XCL1: variants seen among roughly 807,000 people sequenced by gnomAD.
XCL1 encodes X-C motif chemokine ligand 1, also known as lymphotactin.
XCL1 carries 6 observed loss-of-function variants against 7.4 expected under a neutral mutation model. The observed-to-expected ratio is 0.82, with a 90% CI of 0.45 to 1.61. The LOEUF is 1.61. XCL1 is among the 40% of genes most tolerant of loss of function. The probability of loss-of-function intolerance (pLI) is 0.01; values close to 1 mark genes in which losing one functional copy is unlikely to be tolerated. For missense variants in XCL1, 122 were observed against 138.2 expected, an observed-to-expected ratio of 0.88 and a Z score of 0.59; for synonymous variants, 48 against 52.4, an observed-to-expected ratio of 0.92 and a Z score of 0.36.
Position 168,581,370 on chromosome 1 carries a change from T to C in XCL1, c.*150T>C. The C allele has an allele frequency of 1.1e-6, 1 of 888,904 alleles. No homozygotes were observed. The allele number at this position is 888,904 out of a possible 1,614,324, so 55.1% of individuals were successfully genotyped here. A position where few individuals can be genotyped will look rare whatever the true frequency, so the allele number is the denominator to read the frequency against. ...ACTTTTAAATGTCTTCTGTATTCACTTATATGTTCTAATTAATAAATTATT... is the reference window on the plus strand; with the variant it reads ...ACTTTTAAATGTCTTCTGTATTCACCTATATGTTCTAATTAATAAATTATT... On this transcript the variant is annotated 3_prime_UTR_variant, in exon 3 of 3. Transcript: ENST00000367818.
At chr1:168,576,807 G>A (rs569137425) in intron 1 of XCL1, 109 bp downstream of exon 1, 3 of 1,502,684 alleles carry the variant, frequency 2.0e-6, no homozygotes, top group South Asian at 1.2e-5. Context: ...TTCCCCAGGG[G>A]AGCCTTAAAC....
chr1:168,580,917 A>T (rs1655149500), intron 2 of XCL1, 135 bp from the exon 3 acceptor site: 15 of 1,276,944 alleles, frequency 1.2e-5, no homozygotes, highest in African/African-American at 1.6e-5. Context: ...CTCATTTATG[A>T]TCTCATGGCT....
chr1:168,580,393 G>A (rs541847991), intron 2 of XCL1, among the ~76,000 whole-genome samples: 17 of 152,330 alleles, frequency 1.1e-4, no homozygotes, highest in African/African-American at 3.8e-4. Context: ...AGAAAGAATA[G>A]AAGTCCTCCT....
In XCL1 at chr1:168,581,329, A is replaced by T; in HGVS notation, c.*109A>T. ...ATGAAAGCACTGCATGAATAAAATT[A>T]TTCCTTTGTATTTTTACTTTTAAAT... On this transcript the variant is annotated 3_prime_UTR_variant, in exon 3 of 3. Coordinates refer to ENST00000367818, the MANE Select transcript of XCL1 (RefSeq NM_002995.3). The T allele has an allele frequency of 1.5e-6, 2 of 1,375,848 alleles. No individual in the cohort carries two copies. Among genetic ancestry groups the T allele is most frequent in the Non-Finnish European group, 1.9e-6 (2 of 1,037,344 alleles). The allele number at this position is 1,375,848 out of a possible 1,614,324, so 85.2% of individuals were successfully genotyped here.
At position 168,581,189 on chromosome 1, in the gene XCL1, C is replaced by T. The variant is rs141027416; in HGVS notation, c.314C>T (p.Ser105Leu). The change falls in exon 3 of 3, where the codon TCG becomes TTG. Residue 105 changes from serine (S) to leucine (L), a missense_variant. Coordinates refer to ENST00000367818, the MANE Select transcript of XCL1 (RefSeq NM_002995.3). ...IQTKPTGTQQ[S>L]TNTAVTLTG The stretch of plus-strand genomic sequence containing the variant: ...ACCAAGCCAACAGGAACCCAGCAAT[C>T]GACCAATACAGCTGTGACTCTGACT... 182 of 1,613,644 alleles carry T rather than the reference C, an allele frequency of 1.1e-4. No homozygotes were observed. The highest frequency in any genetic ancestry group is 1.6e-4 in the Middle Eastern group (1 of 6,076).
intron 1 of XCL1, among the ~76,000 whole-genome samples, chr1:168,578,082 A>C (rs533019914): frequency 5.9e-5 from 9 of 152,202 alleles, no homozygotes; most frequent in Non-Finnish European, 1.3e-4. Flanking sequence ...TCACAGAGAG[A>C]AATATTGTTT....
At chr1:168,581,021 T>C in intron 2 of XCL1, 31 bp from the exon 3 acceptor site, 1 of 1,609,632 alleles carries the variant, frequency 6.2e-7, no homozygotes, top group South Asian at 1.1e-5. Flanking sequence ...AGAATGTGGC[T>C]AACTTCGTCT....
At chr1:168,576,957 G>A (rs984787436) in intron 1 of XCL1, among the ~76,000 whole-genome samples, 3 of 152,166 alleles carry the variant, frequency 2.0e-5, no homozygotes, top group African/African-American at 7.2e-5. Context: ...ACCACTCAGG[G>A]CCTGTGCTTA....
chr1:168,578,902 C>A, intron 1 of XCL1: 1 of 333,798 alleles, frequency 3.0e-6, no homozygotes. Flanking sequence ...ATTAAGGGAC[C>A]CCCCATTTTA....
intron 2 of XCL1, among the ~76,000 whole-genome samples, chr1:168,580,651 C>CA (rs1354551046): frequency 6.6e-6 from 1 of 152,122 alleles, no homozygotes; most frequent in Non-Finnish European, 1.5e-5. Flanking sequence ...CTCTTCTCAA[C>CA]ATGTAATTGC....
chr1:168,577,256 A>G (rs1168427001), intron 1 of XCL1, among the ~76,000 whole-genome samples: 1 of 152,180 alleles, frequency 6.6e-6, no homozygotes. Flanking sequence ...CTAAGCCCCA[A>G]ATGACTGGAA....
intron 1 of XCL1, chr1:168,578,668 C>T: frequency 3.6e-6 from 1 of 276,066 alleles, no homozygotes; most frequent in Non-Finnish European, 6.9e-6. Flanking sequence ...AGTTTAGTGG[C>T]AAGTTCCTCT....
At chr1:168,578,258 T>C (rs768325706) in intron 1 of XCL1, among the ~76,000 whole-genome samples, 4 of 152,176 alleles carry the variant, frequency 2.6e-5, no homozygotes, top group Non-Finnish European at 5.9e-5. Context: ...GAACACTCTT[T>C]GTTTAGTCCC....
rs142935746 is a variant in XCL1, at chr1:168,576,727, A to G, written c.61+29A>G. ...AGTGGAGAAGCTGTCTGTGAGATAA[A>G]GAACAGGGAGGCAAGGCAGGTGGGC... On this transcript the variant is annotated intron_variant, in intron 1 of 2. Coordinates refer to ENST00000367818, the MANE Select transcript of XCL1 (RefSeq NM_002995.3). 1,284 of 1,613,666 alleles carry G rather than the reference A, an allele frequency of 8.0e-4. 16 individuals are homozygous for G. The African/African-American group carries it at 0.016, about 20-fold the overall frequency.
chr1:168,581,639 C>G lies in XCL1; in HGVS notation c.*419C>G, dbSNP rs1339054275. Reference sequence around the variant, plus strand: ...GGCAACAATTTGAGATGTATTTCAACTTGTCTCTATAATAGAATTCTGTTT... The same window carrying G: ...GGCAACAATTTGAGATGTATTTCAAGTTGTCTCTATAATAGAATTCTGTTT... On this transcript the variant is annotated 3_prime_UTR_variant, in exon 3 of 3. Coordinates refer to ENST00000367818, the MANE Select transcript of XCL1 (RefSeq NM_002995.3). 1 of 153,220 alleles carries G rather than the reference C, an allele frequency of 6.5e-6. No individual in the cohort carries two copies. The highest frequency in any genetic ancestry group is 1.5e-5 in the Non-Finnish European group (1 of 68,860). 9.5% of individuals were successfully genotyped at this position (153,220 alleles called of 1,614,324 possible).
rs1228820459 is a variant in XCL1 at position 168,580,196 on chromosome 1, A to G, written c.176+19A>G. 2 of 1,612,444 alleles carry G rather than the reference A, an allele frequency of 1.2e-6. No individual in the cohort carries two copies. The highest frequency in any genetic ancestry group is 1.7e-5 in the Admixed American group (1 of 59,886). ...CAGTAATGTGAGTCTGCCTCCTCAG[A>G]AGTTGTGCTGGGTGGGTATCTAGAA... On this transcript the variant is annotated intron_variant, in intron 2 of 2. Transcript: ENST00000367818.
intron 1 of XCL1, among the ~76,000 whole-genome samples, chr1:168,579,712 A>G (rs1655109982): frequency 6.6e-6 from 1 of 152,170 alleles, no homozygotes; most frequent in Admixed American, 6.5e-5. Context: ...CATGTGGGAC[A>G]CAACAGGCAC....
chr1:168,581,139 C>A lies in XCL1; in HGVS notation c.264C>A (p.Ser88=). The change falls in exon 3 of 3, where the codon TCC becomes TCA. Residue 88 remains serine, a synonymous_variant. Coordinates refer to ENST00000367818, the MANE Select transcript of XCL1 (RefSeq NM_002995.3). ...RDVVRSMDRK[S]NTRNNMIQTK... is the part of the protein sequence containing the mutation. ...TGGTCAGGAGCATGGACAGGAAATC[C>A]AACACCAGAAATAACATGATCCAGA... The A allele has an allele frequency of 6.2e-7, 1 of 1,613,784 alleles. No individual in the cohort carries two copies. The highest frequency in any genetic ancestry group is 8.5e-7 in the Non-Finnish European group (1 of 1,179,794).
At chr1:168,578,190 G>T (rs1229304982) in intron 1 of XCL1, among the ~76,000 whole-genome samples, 1 of 152,178 alleles carries the variant, frequency 6.6e-6, no homozygotes, top group Non-Finnish European at 1.5e-5. Flanking sequence ...AAAGGTAGAG[G>T]ATAGCAATGT....
Sources: allele counts gnomAD v4.1 joint callset (sites outside exome capture counted in the v4.1 genomes callset), GRCh38; gene constraint gnomAD v4.1.1; transcripts MANE v1.5; gene names NCBI Gene and HGNC (gene_info 2026-07-23, HGNC 2026-07-21).